Variants in SMARCA2 observed in about 807,000 individuals in gnomAD.
SMARCA2 encodes SWI/SNF-related matrix-associated actin-dependent regulator of chromatin subfamily A member 2.
Under a neutral mutation model 199.8 loss-of-function variants are expected in SMARCA2, and 61 were observed. The observed-to-expected ratio is 0.31, with a 90% CI of 0.25 to 0.38. The LOEUF is 0.38. SMARCA2 is among the 10% of genes least tolerant of loss of function. The pLI is 1.00. For missense variants in SMARCA2, 1,344 were observed against 2,012.2 expected, an observed-to-expected ratio of 0.67 and a Z score of 6.35; for synonymous variants, 935 against 732.0, an observed-to-expected ratio of 1.28 and a Z score of -4.48.
Position 2,032,964 on chromosome 9 carries a change from A to G in SMARCA2, c.238A>G (p.Ile80Val), listed in dbSNP as rs1410786180. The change falls in exon 3 of 34, where the codon ATA becomes GTA. Residue 80 changes from isoleucine (I) to valine (V), a missense_variant. Transcript: ENST00000349721. ...TTAAATGTTTCAGCCCATCGATGGTATACATGACAAGGGGATTGTAGAAGA... is the reference window on the plus strand; with the variant it reads ...TTAAATGTTTCAGCCCATCGATGGTGTACATGACAAGGGGATTGTAGAAGA... ...MHQMHKPIDG[I>V]HDKGIVEDIH... The G allele has an allele frequency of 2.5e-6, 4 of 1,613,938 alleles. No individual in the cohort carries two copies. Among genetic ancestry groups the G allele is most frequent in the Admixed American group, 1.7e-5 (1 of 60,026 alleles).
At chr9:2,062,937 G>T (rs565184315) in intron 9 of SMARCA2, among the ~76,000 whole-genome samples, 10 of 152,280 alleles carry the variant, frequency 6.6e-5, no homozygotes, top group African/African-American at 2.2e-4. Context: ...CCAGTTGGAG[G>T]TGGGGCCTGA....
intron 27 of SMARCA2, among the ~76,000 whole-genome samples, chr9:2,156,266 CTG>C (rs1271264929): frequency 2.0e-5 from 3 of 151,990 alleles, no homozygotes; most frequent in African/African-American, 7.3e-5. Context: ...CTAATATGTG[CTG>C]TGTGTCGAGG....
At chr9:2,068,210 C>G (rs1251512868) in intron 9 of SMARCA2, among the ~76,000 whole-genome samples, 2 of 152,178 alleles carry the variant, frequency 1.3e-5, no homozygotes, top group Admixed American at 6.5e-5. Context: ...TGTTATTGTT[C>G]TCTGTGTCAC....
chr9:2,095,242 T>C (rs150321229), intron 19 of SMARCA2, among the ~76,000 whole-genome samples: 2,062 of 152,108 alleles, frequency 0.014, 53 homozygotes, highest in African/African-American at 0.046. Flanking sequence ...CACACCACCA[T>C]GCCTGGCTAA....
chr9:2,103,661 T>TGTGAGA (rs1256201273), intron 22 of SMARCA2, among the ~76,000 whole-genome samples: 54 of 142,328 alleles, frequency 3.8e-4, no homozygotes, highest in African/African-American at 1.0e-3. Context: ...TGTGTGTGTG[T>TGTGAGA]GAGAGAGAGA....
chr9:2,188,360 G>C lies in SMARCA2; in HGVS notation c.4594+2132G>C, dbSNP rs78835355. ...TATACACATTGCCACAGAGAATGGA[G>C]TTTCCATTCTTGCCCTCAACATACA... On this transcript the variant is annotated intron_variant, in intron 32 of 33. Transcript: ENST00000349721. Among the ~76,000 whole-genome samples, 1,323 of 151,716 alleles carry C rather than the reference G, an allele frequency of 8.7e-3. 13 individuals carry two copies. The highest frequency in any genetic ancestry group is 0.029 in the African/African-American group (1,212 of 41,384).
intron 1 of SMARCA2, among the ~76,000 whole-genome samples, chr9:2,015,793 C>T (rs1172733577): frequency 1.3e-5 from 2 of 152,222 alleles, no homozygotes; most frequent in African/African-American, 4.8e-5. Context: ...AGAGGCGCTG[C>T]CAACTCAAGG....
chr9:2,128,626 A>T (rs940849169), intron 27 of SMARCA2, among the ~76,000 whole-genome samples: 4 of 152,210 alleles, frequency 2.6e-5, no homozygotes, highest in African/African-American at 9.6e-5. Flanking sequence ...GCAATTCAAA[A>T]ATGTCTTAAG....
At chr9:2,069,975 C>T (rs1047163529) in intron 9 of SMARCA2, among the ~76,000 whole-genome samples, 3 of 152,154 alleles carry the variant, frequency 2.0e-5, no homozygotes, top group African/African-American at 7.2e-5. Context: ...CTATTGTTGC[C>T]ATCAGAGCTT....
At chr9:2,127,947 A>G (rs1823767841) in intron 27 of SMARCA2, among the ~76,000 whole-genome samples, 1 of 148,574 alleles carries the variant, frequency 6.7e-6, no homozygotes. Context: ...GAGGATCACA[A>G]TTTCAAACAC....
At chr9:2,060,131 A>AAAAAAAAAAAAAAAAAAAAAAT (rs1820522016) in intron 8 of SMARCA2, among the ~76,000 whole-genome samples, 1 of 97,472 alleles carries the variant, frequency 1.0e-5, no homozygotes, top group African/African-American at 5.8e-5. Context: ...AAAAAAAAAA[A>AAAAAAAAAAAAAAAAAAAAAAT]AAAAAAAAAA....
chr9:2,170,418 G>A lies in SMARCA2; in HGVS notation c.4200-1G>A. ...CTAGTGTTCTTTCTACTCTACCGCA[G>A]GTGTAACGTGGAGAAGGTGCCCAGT... is the stretch of plus-strand genomic sequence containing the variant. On this transcript the variant is annotated splice_acceptor_variant, in intron 28 of 33. Transcript: ENST00000349721. LOFTEE classifies it high-confidence loss of function. The surrounding 1 kb of genome is among the most constrained non-coding windows in gnomAD (Gnocchi z 4.7). 1 of 1,614,126 alleles carries A rather than the reference G, an allele frequency of 6.2e-7. No homozygotes were observed. Among genetic ancestry groups the A allele is most frequent in the Non-Finnish European group, 8.5e-7 (1 of 1,179,986 alleles).
intron 29 of SMARCA2, among the ~76,000 whole-genome samples, chr9:2,174,952 A>AAAG (rs1586792584): frequency 6.8e-6 from 1 of 147,734 alleles, no homozygotes; most frequent in African/African-American, 2.5e-5. Flanking sequence ...AAAAAAAAAA[A>AAAG]GGAAATGGAG....
At position 2,088,557 on chromosome 9, in the gene SMARCA2, A is replaced by C. The variant is rs773392525; in HGVS notation, c.2827A>C (p.Arg943=). Residue 943 remains arginine (R), a synonymous_variant, in exon 19 of 34, where the codon AGA becomes CGA. Transcript: ENST00000349721. ...CATCAGGCGTCTACATAAGGTGTTA[A>C]GACCATTTTTACTAAGGAGACTGAA... The part of the protein sequence containing the change: ...LIIRRLHKVL[R]PFLLRRLKKE... 15 of 1,598,162 alleles carry C rather than the reference A, an allele frequency of 9.4e-6. No individual in the cohort carries two copies. The highest frequency in any genetic ancestry group is 1.3e-5 in the Non-Finnish European group (15 of 1,176,374).
intron 4 of SMARCA2, chr9:2,041,729 G>A (rs942350821): frequency 3.9e-6 from 1 of 258,156 alleles, no homozygotes; most frequent in African/African-American, 2.2e-5. Context: ...TTTGGGAACA[G>A]GAAAGGTTAT....
Position 2,073,692 on chromosome 9 carries a change from G to A in SMARCA2, c.1935+69G>A, listed in dbSNP as rs943730401. 5.1e-6 allele frequency: 6 copies of A among 1,183,998 alleles called. No individual in the cohort carries two copies. In the South Asian group the frequency reaches 6.3e-5, roughly 13 times the overall value. The allele number at this position is 1,183,998 out of a possible 1,614,324, so 73.3% of individuals were successfully genotyped here. A position where few individuals can be genotyped will look rare whatever the true frequency, so the allele number is the denominator to read the frequency against. The stretch of plus-strand genomic sequence containing the variant: ...TCAGAGGAAGAAATTCTTCCTGAAT[G>A]TAAGCCCGGGCCTTGGGTCCTTCTA... On this transcript the variant is annotated intron_variant, in intron 12 of 33. Coordinates refer to ENST00000349721, the MANE Select transcript of SMARCA2 (RefSeq NM_003070.5).
At chr9:2,129,434 C>G (rs886328385) in intron 27 of SMARCA2, among the ~76,000 whole-genome samples, 3 of 152,142 alleles carry the variant, frequency 2.0e-5, no homozygotes, top group Admixed American at 6.5e-5. Flanking sequence ...AGGGGACTAG[C>G]CAAATGAATG....
intron 20 of SMARCA2, chr9:2,096,999 C>T: frequency 1.9e-6 from 1 of 533,836 alleles, no homozygotes; most frequent in Non-Finnish European, 3.4e-6. Flanking sequence ...CTGCTTATGT[C>T]AATTTTGCAG....
chr9:2,156,712 T>TG (rs746893417), intron 27 of SMARCA2, among the ~76,000 whole-genome samples: 1 of 152,180 alleles, frequency 6.6e-6, no homozygotes, highest in Non-Finnish European at 1.5e-5. Context: ...ATTACAGGCA[T>TG]GAGCCACCGT....
Sources: allele counts gnomAD v4.1 joint callset (sites outside exome capture counted in the v4.1 genomes callset), GRCh38; gene constraint gnomAD v4.1.1; non-coding constraint Gnocchi (gnomAD v3.1); transcripts MANE v1.5; gene names NCBI Gene and HGNC (gene_info 2026-07-23, HGNC 2026-07-21).